Variants in CNTNAP3 observed in about 807,000 individuals in gnomAD.
CNTNAP3 encodes contactin-associated protein-like 3.
Under a neutral mutation model 92.1 loss-of-function variants are expected in CNTNAP3, and 36 were observed. That is an observed-to-expected ratio of 0.39 (90% CI 0.30 to 0.52). The LOEUF (loss-of-function observed/expected upper bound fraction) is 0.52. CNTNAP3 is among the 20% of genes least tolerant of loss of function. The pLI is 0.76. For missense variants in CNTNAP3, 534 were observed against 1,069.6 expected (o/e 0.50, Z 6.98); for synonymous variants, 232 against 422.3 (o/e 0.55, Z 5.53).
At chr9:39,131,554 G>A (rs1274468958) in intron 13 of CNTNAP3, among the ~76,000 whole-genome samples, 1 of 151,562 alleles carries the variant, frequency 6.6e-6, no homozygotes, top group African/African-American at 2.4e-5. Flanking sequence ...GGCCGGGCGC[G>A]GTGGCTCACG....
intron 15 of CNTNAP3, among the ~76,000 whole-genome samples, chr9:39,107,706 C>T (rs1036548525): frequency 6.6e-6 from 1 of 151,916 alleles, no homozygotes; most frequent in African/African-American, 2.4e-5. Context: ...AGGAGAAGGA[C>T]AAAGAGATTA....
intron 10 of CNTNAP3, among the ~76,000 whole-genome samples, chr9:39,146,197 G>A (rs1479348313): frequency 6.6e-6 from 1 of 152,056 alleles, no homozygotes; most frequent in Non-Finnish European, 1.5e-5. Flanking sequence ...CCAACAGAGG[G>A]GAAGATGGCA....
rs3119237 is a variant in CNTNAP3 at position 39,248,446 on chromosome 9, C to T, written c.197-9260G>A. Among the ~76,000 whole-genome samples the T allele has an allele frequency of 0.055, 199 of 3,650 alleles. 32 individuals are homozygous for T. The Non-Finnish European group carries it at 0.72, about 13-fold the overall frequency. 2.4% of individuals were successfully genotyped at this position (3,650 alleles called of 152,430 possible). ...TCCCTCCCACAACACCTAGGAATTA[C>T]GAGAGCTACAATTCAAGATGAGATC... On this transcript the variant is annotated intron_variant, in intron 2 of 23. Coordinates refer to ENST00000297668, the MANE Select transcript of CNTNAP3 (RefSeq NM_033655.5).
intron 15 of CNTNAP3, among the ~76,000 whole-genome samples, chr9:39,107,268 AAAAG>A (rs1279594124): frequency 4.0e-5 from 6 of 151,328 alleles, no homozygotes; most frequent in African/African-American, 1.2e-4. Flanking sequence ...AGAAAGAAAG[AAAAG>A]AAAGAGAGAG....
In CNTNAP3 at chr9:39,152,040, T is replaced by C. The variant is rs538902292; in HGVS notation, c.1478-2063A>G. Among the ~76,000 whole-genome samples the C allele has an allele frequency of 1.9e-3, 270 of 143,078 alleles. 15 individuals are homozygous for C. Among genetic ancestry groups the C allele is most frequent in the Non-Finnish European group, 3.1e-3 (200 of 64,684 alleles). 93.9% of individuals were successfully genotyped at this position (143,078 alleles called of 152,430 possible). On this transcript the variant is annotated intron_variant, in intron 9 of 23. Transcript: ENST00000297668. ...TCACTAAAATGAAAAAAATGAAGTA[T>C]AGAATTTGTACTTATGTGTTTTTCA...
At chr9:39,119,025 T>A (rs1412373) in intron 13 of CNTNAP3, among the ~76,000 whole-genome samples, 1 of 152,022 alleles carries the variant, frequency 6.6e-6, no homozygotes, top group Non-Finnish European at 1.5e-5. Context: ...ATGGACTGAC[T>A]GCACATCACA....
intron 9 of CNTNAP3, among the ~76,000 whole-genome samples, chr9:39,158,145 C>A (rs116699058): frequency 7.4e-6 from 1 of 135,460 alleles, no homozygotes; most frequent in Non-Finnish European, 1.6e-5. Flanking sequence ...TCTGGGGATA[C>A]CTGTATGGTG....
At chr9:39,079,004 C>A (rs953207491) in intron 21 of CNTNAP3, 84 bp from the exon 22 acceptor site, 6 of 1,484,972 alleles carry the variant, frequency 4.0e-6, no homozygotes, top group Non-Finnish European at 4.5e-6. Context: ...AAGACAGCGA[C>A]CCTCGTTCCT....
intron 15 of CNTNAP3, among the ~76,000 whole-genome samples, chr9:39,104,749 G>A (rs1213540530): frequency 1.3e-5 from 2 of 151,946 alleles, no homozygotes; most frequent in Admixed American, 1.3e-4. Flanking sequence ...GGATTTGTCT[G>A]ACATACTCAT....
intron 13 of CNTNAP3, among the ~76,000 whole-genome samples, chr9:39,120,487 C>T (rs1232633895): frequency 4.6e-5 from 7 of 152,166 alleles, no homozygotes; most frequent in Middle Eastern, 6.8e-3. Flanking sequence ...CTGGCTAACA[C>T]GGTGAAACCC....
intron 15 of CNTNAP3, among the ~76,000 whole-genome samples, chr9:39,105,224 C>T (rs181959793): frequency 6.6e-6 from 1 of 152,042 alleles, no homozygotes; most frequent in Non-Finnish European, 1.5e-5. Context: ...TCAGGAGATC[C>T]AGACCATCCT....
At chr9:39,086,196 C>G in intron 20 of CNTNAP3, 1 of 322,356 alleles carries the variant, frequency 3.1e-6, no homozygotes, top group East Asian at 7.8e-5. Context: ...GTTCTCTATA[C>G]AGTATATTTT....
intron 13 of CNTNAP3, among the ~76,000 whole-genome samples, chr9:39,119,476 A>C (rs560784770): frequency 6.1e-4 from 93 of 152,076 alleles, no homozygotes; most frequent in African/African-American, 2.0e-3. Flanking sequence ...AAATTAATAC[A>C]CTCTTCTCGG....
intron 18 of CNTNAP3, among the ~76,000 whole-genome samples, chr9:39,091,173 T>G (rs1245840735): frequency 6.7e-6 from 1 of 148,266 alleles, no homozygotes; most frequent in Non-Finnish European, 1.5e-5. Context: ...TTCTTCTTCT[T>G]TTTTTTTTTT....
intron 21 of CNTNAP3, chr9:39,085,513 T>C (rs1826044884): frequency 1.9e-6 from 1 of 530,258 alleles, no homozygotes; most frequent in Admixed American, 3.3e-5. Flanking sequence ...AAGTGAGAGG[T>C]TAAGTGTGGA....
At chr9:39,108,171 C>T (rs1188957885) in intron 15 of CNTNAP3, among the ~76,000 whole-genome samples, 2 of 152,062 alleles carry the variant, frequency 1.3e-5, no homozygotes, top group East Asian at 3.9e-4. Context: ...AATCCATCAG[C>T]CCAGGTGGAT....
chr9:39,106,775 G>C (rs1361782968), intron 15 of CNTNAP3, among the ~76,000 whole-genome samples: 1 of 152,090 alleles, frequency 6.6e-6, no homozygotes, highest in African/African-American at 2.4e-5. Context: ...TTTGATGTCA[G>C]AGTATCAATA....
At chr9:39,130,289 G>T (rs1055729481) in intron 13 of CNTNAP3, among the ~76,000 whole-genome samples, 3 of 151,726 alleles carry the variant, frequency 2.0e-5, no homozygotes, top group African/African-American at 4.8e-5. Flanking sequence ...CCATGCCACC[G>T]ATTGCTAATC....
In CNTNAP3 at chr9:39,161,695, T is replaced by TAATAATAAAAAA. The variant is rs35637989; in HGVS notation, c.1477+4237_1477+4238insTTTTTTATTATT. 2.3e-5 allele frequency among the ~76,000 whole-genome samples: 3 copies of TAATAATAAAAAA among 127,666 alleles called. No homozygotes were observed. The South Asian group carries it at 7.5e-4, about 32-fold the overall frequency. The allele number at this position is 127,666 out of a possible 152,430, so 83.8% of individuals were successfully genotyped here. Reference sequence around the variant, plus strand: ...ATAATAATAATAATAATAATAATAATAAATTAGCTGGATGTGGTGGCACGT... The same window carrying TAATAATAAAAAA: ...ATAATAATAATAATAATAATAATAATAATAATAAAAAAAAATTAGCTGGATGTGGTGGCACGT... On this transcript the variant is annotated intron_variant, in intron 9 of 23. Transcript: ENST00000297668.
Sources: allele counts gnomAD v4.1 joint callset (sites outside exome capture counted in the v4.1 genomes callset), GRCh38; gene constraint gnomAD v4.1.1; transcripts MANE v1.5; gene names NCBI Gene and HGNC (gene_info 2026-07-23, HGNC 2026-07-21).